Variants in GFRA2 observed in about 807,000 individuals in gnomAD.
GFRA2 encodes the protein GDNF family receptor alpha-2.
A neutral mutation model predicts 48.3 loss-of-function variants in GFRA2; 17 were observed. The observed-to-expected ratio is 0.35, with a 90% CI of 0.24 to 0.53. The LOEUF (loss-of-function observed/expected upper bound fraction) is 0.53, where lower values mean the gene tolerates loss of function less well. GFRA2 is among the 20% of genes least tolerant of loss of function. GFRA2 has a pLI of 0.93. For synonymous variants in GFRA2, 305 were observed against 257.2 expected (o/e 1.19, Z -1.78); for missense variants, 660 against 637.3 (o/e 1.04, Z -0.38).
chr8:21,775,700 G>A (rs1407567169), intron 2 of GFRA2, among the ~76,000 whole-genome samples: 2 of 152,200 alleles, frequency 1.3e-5, no homozygotes, highest in Admixed American at 1.3e-4. Flanking sequence ...CTGCTCAGTG[G>A]GTGGGCTGAT....
intron 1 of GFRA2, among the ~76,000 whole-genome samples, chr8:21,810,217 G>T (rs1422345456): frequency 1.3e-5 from 2 of 152,144 alleles, no homozygotes; most frequent in Non-Finnish European, 2.9e-5. Flanking sequence ...GAACACAGGA[G>T]CCCCAAATCC....
At chr8:21,707,778 T>C (rs563199947) in intron 4 of GFRA2, among the ~76,000 whole-genome samples, 17 of 152,330 alleles carry the variant, frequency 1.1e-4, no homozygotes, top group Admixed American at 2.6e-4. Flanking sequence ...TGGAGATGGA[T>C]GGCAGTGAAG....
chr8:21,694,575 T>C (rs1365367577), intron 7 of GFRA2, 58 bp from the exon 8 acceptor site: 3 of 1,535,362 alleles, frequency 2.0e-6, no homozygotes, highest in East Asian at 4.7e-5. Context: ...GGCTGGGCTT[T>C]GTCCAGAGAC....
chr8:21,699,876 C>T (rs1015822736), intron 7 of GFRA2, among the ~76,000 whole-genome samples: 4 of 152,210 alleles, frequency 2.6e-5, no homozygotes, highest in African/African-American at 7.2e-5. Context: ...GCACTGTGCA[C>T]CCAGCTACGC....
chr8:21,807,781 G>A (rs1034402611), intron 1 of GFRA2, among the ~76,000 whole-genome samples: 2 of 152,238 alleles, frequency 1.3e-5, no homozygotes, highest in Non-Finnish European at 2.9e-5. Flanking sequence ...TACTGGGAGT[G>A]AAAGCCACAT....
At chr8:21,708,704 G>A (rs1802871446) in intron 4 of GFRA2, among the ~76,000 whole-genome samples, 1 of 152,182 alleles carries the variant, frequency 6.6e-6, no homozygotes, top group South Asian at 2.1e-4. Flanking sequence ...GACAGCAGAG[G>A]CAGAGATAGG....
intron 4 of GFRA2, among the ~76,000 whole-genome samples, chr8:21,728,265 G>GTT (rs34490346): frequency 0.12 from 7,794 of 65,370 alleles, 1,929 homozygotes; most frequent in South Asian, 0.14. Context: ...CGGGAACCAG[G>GTT]TTTTTTTTTT....
intron 4 of GFRA2, among the ~76,000 whole-genome samples, chr8:21,745,856 C>A (rs1804978848): frequency 6.6e-6 from 1 of 152,174 alleles, no homozygotes; most frequent in African/African-American, 2.4e-5. Context: ...GTGAGAAGGG[C>A]CCTTCAAATA....
At position 21,702,913 on chromosome 8, in the gene GFRA2, G is replaced by C. The variant is rs202093867; in HGVS notation, c.1110C>G (p.Phe370Leu). ...DVNVSPKGPS[F>L]QATQAPRVEK... ...CCACCCGAGGGGCCTGGGTGGCCTG[G>C]AACGAGGGGCCTTTTGGGGACACGT... The change falls in exon 7 of 9, where the codon TTC becomes TTG. Residue 370 changes from phenylalanine (F) to leucine (L), a missense_variant. Physicochemically the swap from Phe to Leu is conservative, Grantham distance 22. Transcript: ENST00000524240. 547 of 1,589,244 alleles carry C rather than the reference G, an allele frequency of 3.4e-4. 3 individuals are homozygous for C. The highest frequency in any genetic ancestry group is 1.0e-3 in the Middle Eastern group (6 of 5,954).
At chr8:21,798,452 C>T (rs1340688853) in intron 2 of GFRA2, among the ~76,000 whole-genome samples, 1 of 152,136 alleles carries the variant, frequency 6.6e-6, no homozygotes, top group Non-Finnish European at 1.5e-5. Context: ...ACCTAACTCC[C>T]GAAATTCATC....
Position 21,745,052 on chromosome 8 carries a change from G to C in GFRA2, c.794+5536C>G, listed in dbSNP as rs569150079. 6.6e-5 allele frequency among the ~76,000 whole-genome samples: 10 copies of C among 152,304 alleles called. No individual in the cohort carries two copies. In the South Asian group the frequency reaches 2.1e-3, roughly 32 times the overall value. On this transcript the variant is annotated intron_variant, in intron 4 of 8. Transcript: ENST00000524240. ...AAGCAGATATCCTTGTTTAACCAAG[G>C]CATCTTTAAACCCTAGATCAAAGGA...
At chr8:21,707,483 T>C (rs1802806295) in intron 4 of GFRA2, among the ~76,000 whole-genome samples, 1 of 152,152 alleles carries the variant, frequency 6.6e-6, no homozygotes, top group African/African-American at 2.4e-5. Flanking sequence ...GCTGAGTATG[T>C]CCCACCACTG....
In GFRA2 at chr8:21,760,169, G is replaced by C. The variant is rs979473507; in HGVS notation, c.440-9227C>G. On this transcript the variant is annotated intron_variant, in intron 3 of 8. Transcript: ENST00000524240. ...GAAGTAGAAGTCAGAGGGACAGTCA[G>C]GGGAGACCTTGCGGGGCAGGTAAGA... Among the ~76,000 whole-genome samples, 5 of 152,140 alleles carry C rather than the reference G, an allele frequency of 3.3e-5. No homozygotes were observed. The East Asian group carries it at 9.6e-4, about 29-fold the overall frequency.
chr8:21,783,060 G>A (rs1807092616), intron 1 of GFRA2, 161 bp from the exon 2 acceptor site: 2 of 733,212 alleles, frequency 2.7e-6, no homozygotes, highest in East Asian at 2.7e-5. Context: ...ACCCCAGGGA[G>A]AACTCAGGCA....
At chr8:21,745,612 G>A (rs1344758762) in intron 4 of GFRA2, among the ~76,000 whole-genome samples, 1 of 152,232 alleles carries the variant, frequency 6.6e-6, no homozygotes, top group Non-Finnish European at 1.5e-5. Flanking sequence ...ACCAGGGAAA[G>A]GAGGAAGTGC....
chr8:21,706,301 C>A, intron 4 of GFRA2: 1 of 602,436 alleles, frequency 1.7e-6, no homozygotes, highest in Non-Finnish European at 3.1e-6. Flanking sequence ...ACAAAAAGGA[C>A]CCCTCAAGGC....
intron 3 of GFRA2, among the ~76,000 whole-genome samples, chr8:21,771,988 C>A (rs1444986364): frequency 2.6e-5 from 4 of 152,224 alleles, no homozygotes; most frequent in African/African-American, 7.2e-5. Flanking sequence ...TTGCAGCCAG[C>A]GTGCGACACA....
chr8:21,802,538 A>T (rs2117115416), intron 2 of GFRA2, among the ~76,000 whole-genome samples: 1 of 152,188 alleles, frequency 6.6e-6, no homozygotes, highest in East Asian at 1.9e-4. Flanking sequence ...AATTTTTTAT[A>T]GAGATGAGGT....
intron 3 of GFRA2, among the ~76,000 whole-genome samples, chr8:21,771,618 C>T (rs1806442225): frequency 6.6e-6 from 1 of 152,166 alleles, no homozygotes; most frequent in South Asian, 2.1e-4. Flanking sequence ...GTACGACTTT[C>T]CGAGAACCCC....
Sources: allele counts gnomAD v4.1 joint callset (sites outside exome capture counted in the v4.1 genomes callset), GRCh38; gene constraint gnomAD v4.1.1; transcripts MANE v1.5; gene names NCBI Gene and HGNC (gene_info 2026-07-23, HGNC 2026-07-21).